Variants in PPIA observed in about 807,000 individuals in gnomAD.
PPIA encodes the protein peptidylprolyl isomerase A.
PPIA carries 2 observed loss-of-function variants against 15.3 expected under a neutral mutation model. That is an observed-to-expected ratio of 0.13 (90% confidence interval 0.05 to 0.41). The LOEUF (loss-of-function observed/expected upper bound fraction) is 0.41, where lower values mean the gene tolerates loss of function less well. Ranked by LOEUF, PPIA falls within the 10% of genes least tolerant of loss-of-function variation. The pLI is 0.99. For missense variants in PPIA, 103 were observed against 210.3 expected (o/e 0.49, Z 3.16); for synonymous variants, 67 against 73.1 (o/e 0.92, Z 0.43).
At position 44,802,833 on chromosome 7, in the gene PPIA, G is replaced by A. The variant is rs888349701; in HGVS notation, c.*1411G>A. ...TAGATGTCAGGACAATCTAAGCTGA[G>A]AAAACCCCTTCTCTGCCCACCTTAA... On this transcript the variant is annotated 3_prime_UTR_variant, in exon 5 of 5. Coordinates refer to ENST00000468812, the MANE Select transcript of PPIA (RefSeq NM_021130.5). 1.3e-5 allele frequency: 2 copies of A among 151,958 alleles called. No individual in the cohort carries two copies. Among genetic ancestry groups the A allele is most frequent in the Non-Finnish European group, 2.9e-5 (2 of 67,922 alleles). 9.4% of individuals were successfully genotyped at this position (151,958 alleles called of 1,614,324 possible). A position where few individuals can be genotyped will look rare whatever the true frequency, so the allele number is the denominator to read the frequency against.
At position 44,802,343 on chromosome 7, in the gene PPIA, TTCA is replaced by T. The variant is rs1416109911; in HGVS notation, c.*926_*928del. ...TTTGTATTTTTAGTATAGATGGGGT[TTCA>T]TCATTTTGACCAGGCTGGTCTCAAA... On this transcript the variant is annotated 3_prime_UTR_variant, in exon 5 of 5. Coordinates refer to ENST00000468812, the MANE Select transcript of PPIA (RefSeq NM_021130.5). The T allele has an allele frequency of 2.0e-5, 3 of 152,130 alleles. No homozygotes were observed. The highest frequency in any genetic ancestry group is 6.8e-3 in the Middle Eastern group (2 of 294). 9.4% of individuals were successfully genotyped at this position (152,130 alleles called of 1,614,324 possible). A position where few individuals can be genotyped will look rare whatever the true frequency, so the allele number is the denominator to read the frequency against.
chr7:44,801,168 A>G, intron 4 of PPIA, 119 bp from the exon 5 acceptor site: 3 of 1,151,944 alleles, frequency 2.6e-6, no homozygotes, highest in Non-Finnish European at 3.6e-6. Flanking sequence ...AATGACATTT[A>G]GTACAAAAGG....
intron 4 of PPIA, among the ~76,000 whole-genome samples, chr7:44,800,776 T>C (rs899810739): frequency 2.0e-4 from 30 of 152,224 alleles, no homozygotes; most frequent in Non-Finnish European, 1.0e-4. Context: ...GTTTTTGTTT[T>C]GTTTTGTTTG....
At position 44,801,671 on chromosome 7, in the gene PPIA, T is replaced by G; in HGVS notation, c.*249T>G. On this transcript the variant is annotated 3_prime_UTR_variant, in exon 5 of 5. Transcript: ENST00000468812. Reference sequence around the variant, plus strand: ...AAGAGTGTTGATGTAGGCTTTATTTTAAGCAGTAATGGGTTACTTCTGAAA... The same window carrying G: ...AAGAGTGTTGATGTAGGCTTTATTTGAAGCAGTAATGGGTTACTTCTGAAA... 1 of 391,828 alleles carries G rather than the reference T, an allele frequency of 2.6e-6. No homozygotes were observed. Among genetic ancestry groups the G allele is most frequent in the Non-Finnish European group, 4.6e-6 (1 of 215,108 alleles). The allele number at this position is 391,828 out of a possible 1,614,324, so 24.3% of individuals were successfully genotyped here. A position where few individuals can be genotyped will look rare whatever the true frequency, so the allele number is the denominator to read the frequency against.
At chr7:44,797,428 C>A (rs531258080) in intron 1 of PPIA, among the ~76,000 whole-genome samples, 94 of 152,266 alleles carry the variant, frequency 6.2e-4, no homozygotes, top group Admixed American at 9.8e-4. Context: ...ATACATGTGC[C>A]CCAAACGTCC....
At chr7:44,799,996 T>A in intron 4 of PPIA, 122 bp downstream of exon 4, 1 of 996,890 alleles carries the variant, frequency 1.0e-6, no homozygotes, top group Non-Finnish European at 1.5e-6. Context: ...CCTAAGATAC[T>A]AGAAGAAGAG....
chr7:44,799,915 A>T (rs1200864266), intron 4 of PPIA, 41 bp downstream of exon 4: 6 of 1,590,336 alleles, frequency 3.8e-6, no homozygotes, highest in East Asian at 2.2e-5. Flanking sequence ...TGACTAAATG[A>T]AAAGTTGCCC....
chr7:44,801,569 C>G lies in PPIA; in HGVS notation c.*147C>G. ...GGTTCCATGTTTTCCTTGTTCCCTCCCATGCCTAGCTGGATTGCAGAGTTA... is the reference window on the plus strand; with the variant it reads ...GGTTCCATGTTTTCCTTGTTCCCTCGCATGCCTAGCTGGATTGCAGAGTTA... On this transcript the variant is annotated 3_prime_UTR_variant, in exon 5 of 5. Coordinates refer to ENST00000468812, the MANE Select transcript of PPIA (RefSeq NM_021130.5). 1 of 580,964 alleles carries G rather than the reference C, an allele frequency of 1.7e-6. No homozygotes were observed. The highest frequency in any genetic ancestry group is 2.1e-5 in the South Asian group (1 of 48,304). 36.0% of individuals were successfully genotyped at this position (580,964 alleles called of 1,614,324 possible). A position where few individuals can be genotyped will look rare whatever the true frequency, so the allele number is the denominator to read the frequency against.
Position 44,799,779 on chromosome 7 carries a change from C to T in PPIA, c.267C>T (p.Ile89=). Residue 89 remains isoleucine (I), a synonymous_variant, in exon 4 of 5, where the codon ATC becomes ATT. Coordinates refer to ENST00000468812, the MANE Select transcript of PPIA (RefSeq NM_021130.5). Reference sequence around the variant, plus strand: ...AGAAATTTGAAGATGAGAACTTCATCCTAAAGCATACGGGTCCTGGCATCT... The same window carrying T: ...AGAAATTTGAAGATGAGAACTTCATTCTAAAGCATACGGGTCCTGGCATCT... ...YGEKFEDENF[I]LKHTGPGILS... The T allele has an allele frequency of 6.2e-7, 1 of 1,613,876 alleles. No homozygotes were observed. The highest frequency in any genetic ancestry group is 8.5e-7 in the Non-Finnish European group (1 of 1,179,900).
chr7:44,800,881 G>T (rs182956448), intron 4 of PPIA, among the ~76,000 whole-genome samples: 6 of 152,024 alleles, frequency 3.9e-5, no homozygotes, highest in African/African-American at 1.2e-4. Flanking sequence ...GCAGTGGCGC[G>T]ATCTCGGCTC....
Position 44,799,327 on chromosome 7 carries a change from G to C in PPIA, c.100+50G>C, listed in dbSNP as rs901476990. 3 of 1,531,144 alleles carry C rather than the reference G, an allele frequency of 2.0e-6. No individual in the cohort carries two copies. The Admixed American group carries it at 5.2e-5, about 26-fold the overall frequency. The allele number at this position is 1,531,144 out of a possible 1,614,324, so 94.8% of individuals were successfully genotyped here. A position where few individuals can be genotyped will look rare whatever the true frequency, so the allele number is the denominator to read the frequency against. ...AAAGATGTTCCAATTGTGACAGTTT[G>C]TGTGTGTGTGTGTATATATATATTT... On this transcript the variant is annotated intron_variant, in intron 2 of 4. Transcript: ENST00000468812.
chr7:44,802,879 C>T lies in PPIA; in HGVS notation c.*1457C>T, dbSNP rs1295265193. ...CTTAACAGACCTCTAGGGTTCTTAA[C>T]CCAGCAATCAAGTTTGCCTATCCTA... On this transcript the variant is annotated 3_prime_UTR_variant, in exon 5 of 5. Transcript: ENST00000468812. 2 of 152,192 alleles carry T rather than the reference C, an allele frequency of 1.3e-5. No homozygotes were observed. The highest frequency in any genetic ancestry group is 3.8e-4 in the East Asian group (2 of 5,202). The allele number at this position is 152,192 out of a possible 1,614,324, so 9.4% of individuals were successfully genotyped here. A position where few individuals can be genotyped will look rare whatever the true frequency, so the allele number is the denominator to read the frequency against.
intron 4 of PPIA, among the ~76,000 whole-genome samples, chr7:44,800,904 G>A (rs1189747770): frequency 2.6e-5 from 4 of 152,022 alleles, no homozygotes; most frequent in South Asian, 4.2e-4. Context: ...TGCAAGCTCC[G>A]CCTCCCAGGT....
At chr7:44,801,172 CAA>C in intron 4 of PPIA, 113 bp from the exon 5 acceptor site, 6 of 1,194,898 alleles carry the variant, frequency 5.0e-6, no homozygotes, top group Non-Finnish European at 6.9e-6. Flanking sequence ...ACATTTAGTA[CAA>C]AAGGCTTCAG....
rs1381132591 is a variant in PPIA, at chr7:44,799,833, A to C, written c.321A>C (p.Thr107=). 6.2e-7 allele frequency: 1 copy of C among 1,613,020 alleles called. No homozygotes were observed. The highest frequency in any genetic ancestry group is 1.7e-5 in the Admixed American group (1 of 59,986). The change falls in exon 4 of 5, where the codon ACA becomes ACC. Residue 107 remains threonine (T), a synonymous_variant. Coordinates refer to ENST00000468812, the MANE Select transcript of PPIA (RefSeq NM_021130.5). ...ILSMANAGPN[T]NGSQFFICTA... ...CCATGGCAAATGCTGGACCCAACACAAATGGTTCCCAGTTTTTCATCTGCA... is the reference window on the plus strand; with the variant it reads ...CCATGGCAAATGCTGGACCCAACACCAATGGTTCCCAGTTTTTCATCTGCA...
rs879489327 is a variant in PPIA at position 44,801,550 on chromosome 7, ATGTTTTCCT to A, written c.*133_*141del. ...CTCGCTGCAGTTCCCTTTGGGTTCC[ATGTTTTCCT>A]TGTTCCCTCCCATGCCTAGCTGGAT... is the stretch of plus-strand genomic sequence containing the variant. On this transcript the variant is annotated 3_prime_UTR_variant, in exon 5 of 5. Coordinates refer to ENST00000468812, the MANE Select transcript of PPIA (RefSeq NM_021130.5). The A allele has an allele frequency of 6.5e-4, 398 of 611,514 alleles. 1 individual carries two copies. The highest frequency in any genetic ancestry group is 1.3e-3 in the Middle Eastern group (3 of 2,236). The allele number at this position is 611,514 out of a possible 1,614,324, so 37.9% of individuals were successfully genotyped here. A position where few individuals can be genotyped will look rare whatever the true frequency, so the allele number is the denominator to read the frequency against.
At chr7:44,799,559 A>G (rs1451379317) in intron 3 of PPIA, 79 bp downstream of exon 3, 69 of 1,568,972 alleles carry the variant, frequency 4.4e-5, no homozygotes, top group Non-Finnish European at 5.4e-5. Context: ...CAGGATACAC[A>G]TATCTGAACT....
chr7:44,802,399 T>G lies in PPIA; in HGVS notation c.*977T>G, dbSNP rs1388899244. The G allele has an allele frequency of 6.6e-6, 1 of 152,148 alleles. No homozygotes were observed. The highest frequency in any genetic ancestry group is 1.5e-5 in the Non-Finnish European group (1 of 68,040). The allele number at this position is 152,148 out of a possible 1,614,324, so 9.4% of individuals were successfully genotyped here. ...CTTGACCTCAGCTGATGCGCCTGCC[T>G]TGGCCTCCCAAACTGCTGAGATTAC... is the stretch of plus-strand genomic sequence containing the variant. On this transcript the variant is annotated 3_prime_UTR_variant, in exon 5 of 5. Coordinates refer to ENST00000468812, the MANE Select transcript of PPIA (RefSeq NM_021130.5).
At chr7:44,800,281 G>A (rs1239290021) in intron 4 of PPIA, 1 of 188,774 alleles carries the variant, frequency 5.3e-6, no homozygotes, top group South Asian at 1.0e-4. Flanking sequence ...TGGAGACGGG[G>A]TTTCATCATG....
Sources: allele counts gnomAD v4.1 joint callset (sites outside exome capture counted in the v4.1 genomes callset), GRCh38; gene constraint gnomAD v4.1.1; transcripts MANE v1.5; gene names NCBI Gene and HGNC (gene_info 2026-07-23, HGNC 2026-07-21).